Variants in PRKACA observed in about 807,000 individuals in gnomAD.
The protein encoded by PRKACA is protein kinase cAMP-activated catalytic subunit alpha.
PRKACA carries 9 observed loss-of-function variants against 45.8 expected under a neutral mutation model. The ratio of observed to expected loss-of-function variants is 0.20; its 90% CI spans 0.12 to 0.34. PRKACA has a LOEUF of 0.34. Among genes scored for constraint, PRKACA ranks in the 10% least tolerant of loss-of-function variants. The pLI, the probability that PRKACA is intolerant of heterozygous loss-of-function variation, is 1.00. For missense variants in PRKACA, 238 were observed against 458.6 expected, an observed-to-expected ratio of 0.52 and a Z score of 4.39; for synonymous variants, 160 against 178.6, an observed-to-expected ratio of 0.90 and a Z score of 0.83.
intron 3 of PRKACA, among the ~76,000 whole-genome samples, chr19:14,105,476 A>T (rs1977574805): frequency 6.6e-6 from 1 of 151,948 alleles, no homozygotes; most frequent in African/African-American, 2.4e-5. Flanking sequence ...ACGCCACTGC[A>T]GTCCAGCCTG....
intron 4 of PRKACA, among the ~76,000 whole-genome samples, chr19:14,102,606 C>T (rs762416913): frequency 1.1e-4 from 16 of 152,152 alleles, no homozygotes; most frequent in Non-Finnish European, 1.9e-4. Context: ...CCAAGGGTAT[C>T]GAACTACAAA....
chr19:14,107,342 C>A lies in PRKACA; in HGVS notation c.108+6G>T, dbSNP rs28730845. On this transcript the variant is annotated splice_donor_region_variant and intron_variant, in intron 2 of 9. Coordinates refer to ENST00000308677, the MANE Select transcript of PRKACA (RefSeq NM_002730.4). ...CCTCCCTGGGCTCTGCACCCGGCAG[C>A]CTTACCTGAGCGGGACTTTCCCATT... 6.2e-7 allele frequency: 1 copy of A among 1,613,558 alleles called. No individual in the cohort carries two copies. Among genetic ancestry groups the A allele is most frequent in the African/African-American group, 1.3e-5 (1 of 74,936 alleles).
At chr19:14,104,849 G>A (rs1294128101) in intron 3 of PRKACA, among the ~76,000 whole-genome samples, 1 of 151,956 alleles carries the variant, frequency 6.6e-6, no homozygotes, top group Non-Finnish European at 1.5e-5. Flanking sequence ...CTCCAGCCTG[G>A]GCAACAAGAG....
At chr19:14,093,543 C>G in intron 9 of PRKACA, 85 bp downstream of exon 9, 1 of 1,493,884 alleles carries the variant, frequency 6.7e-7, no homozygotes, top group Non-Finnish European at 9.1e-7. Context: ...AACCTGTGTT[C>G]TCTTCTCTAT....
chr19:14,093,041 A>ATGGGGGCC lies in PRKACA; in HGVS notation c.*70_*71insGGCCCCCA. ...CTGGGGCCCTCTGGCTGTTCAATCC[A>ATGGGGGCC]ACCCTCCCACCCCCCCGACCAAAAA... On this transcript the variant is annotated 3_prime_UTR_variant, in exon 10 of 10. Coordinates refer to ENST00000308677, the MANE Select transcript of PRKACA (RefSeq NM_002730.4). 1 of 500,030 alleles carries ATGGGGGCC rather than the reference A, an allele frequency of 2.0e-6. No homozygotes were observed. The highest frequency in any genetic ancestry group is 3.6e-6 in the Non-Finnish European group (1 of 278,314). 31.0% of individuals were successfully genotyped at this position (500,030 alleles called of 1,614,324 possible).
At chr19:14,093,387 A>G in intron 9 of PRKACA, 150 bp from the exon 10 acceptor site, 1 of 1,186,096 alleles carries the variant, frequency 8.4e-7, no homozygotes, top group Non-Finnish European at 1.2e-6. Flanking sequence ...TAACAGCCCG[A>G]AACTCTTAAT....
chr19:14,116,482 G>A (rs1725753085), intron 1 of PRKACA, among the ~76,000 whole-genome samples: 1 of 152,168 alleles, frequency 6.6e-6, no homozygotes, highest in African/African-American at 2.4e-5. Flanking sequence ...GACCATCTCA[G>A]TTAGAACCGA....
At chr19:14,116,040 C>G (rs1967098946) in intron 1 of PRKACA, among the ~76,000 whole-genome samples, 1 of 152,170 alleles carries the variant, frequency 6.6e-6, no homozygotes, top group South Asian at 2.1e-4. Context: ...CTGAGTTCTG[C>G]TATTTGAATC....
intron 4 of PRKACA, 23 bp downstream of exon 4, chr19:14,102,793 G>C (rs767507927): frequency 2.5e-6 from 4 of 1,597,866 alleles, no homozygotes; most frequent in Non-Finnish European, 2.6e-6. Context: ...GTGACCCCCC[G>C]CCCTTGGCCA....
At chr19:14,094,569 C>T (rs765212794) in intron 8 of PRKACA, among the ~76,000 whole-genome samples, 2 of 152,220 alleles carry the variant, frequency 1.3e-5, no homozygotes, top group Non-Finnish European at 2.9e-5. Flanking sequence ...TGCTCTAAGG[C>T]AAGTGCTATG....
At chr19:14,108,653 A>AC (rs1977684741) in intron 1 of PRKACA, among the ~76,000 whole-genome samples, 1 of 150,088 alleles carries the variant, frequency 6.7e-6, no homozygotes, top group South Asian at 2.1e-4. Context: ...CTCGTGATCC[A>AC]CCCGCCTCGG....
chr19:14,093,095 G>C lies in PRKACA; in HGVS notation c.*17C>G. On this transcript the variant is annotated 3_prime_UTR_variant, in exon 10 of 10. Coordinates refer to ENST00000308677, the MANE Select transcript of PRKACA (RefSeq NM_002730.4). The stretch of plus-strand genomic sequence containing the variant: ...GAAAAAAGAAAAAAGAAAACCCATG[G>C]GGGCACAGGCATGCCCCTAAAACTC... 1 of 1,488,284 alleles carries C rather than the reference G, an allele frequency of 6.7e-7. No individual in the cohort carries two copies. Among genetic ancestry groups the C allele is most frequent in the Non-Finnish European group, 9.0e-7 (1 of 1,112,194 alleles). 92.2% of individuals were successfully genotyped at this position (1,488,284 alleles called of 1,614,324 possible).
chr19:14,114,258 G>A, intron 1 of PRKACA: 1 of 1,493,352 alleles, frequency 6.7e-7, no homozygotes, highest in Non-Finnish European at 9.2e-7. Flanking sequence ...CTGCCTGCAG[G>A]GGGAGCTAGG....
chr19:14,108,498 C>T (rs1457920532), intron 1 of PRKACA: 3 of 152,258 alleles, frequency 2.0e-5, no homozygotes, highest in African/African-American at 7.2e-5. Flanking sequence ...AGCTCCGCCT[C>T]CCGTGCTCAC....
chr19:14,110,589 T>TA (rs1453409000), intron 1 of PRKACA, among the ~76,000 whole-genome samples: 2 of 151,366 alleles, frequency 1.3e-5, no homozygotes, highest in Admixed American at 6.6e-5. Context: ...AAAGTAATAA[T>TA]AAAAAAACCC....
intron 4 of PRKACA, 145 bp from the exon 5 acceptor site, chr19:14,101,053 G>A (rs964013419): frequency 5.6e-5 from 39 of 692,718 alleles, no homozygotes; most frequent in Admixed American, 8.7e-5. Flanking sequence ...CTACAGGGGC[G>A]ACCCTTATCC....
intron 5 of PRKACA, among the ~76,000 whole-genome samples, chr19:14,098,716 G>A (rs187820082): frequency 0.014 from 2,089 of 147,844 alleles, 42 homozygotes; most frequent in African/African-American, 0.042. Flanking sequence ...GGCTGGTCTC[G>A]AACTCCTGAC....
At chr19:14,114,137 C>G in intron 1 of PRKACA, 5 of 1,611,322 alleles carry the variant, frequency 3.1e-6, no homozygotes, top group Non-Finnish European at 4.2e-6. Flanking sequence ...GCCTCACCAT[C>G]GCTGGAGTTG....
At chr19:14,108,199 A>G (rs1384116206) in intron 1 of PRKACA, 4 of 974,480 alleles carry the variant, frequency 4.1e-6, no homozygotes, top group Non-Finnish European at 4.9e-6. Flanking sequence ...TCCAGTTCAG[A>G]GCCCAGCCTG....
Sources: allele counts gnomAD v4.1 joint callset (sites outside exome capture counted in the v4.1 genomes callset), GRCh38; gene constraint gnomAD v4.1.1; transcripts MANE v1.5; gene names NCBI Gene and HGNC (gene_info 2026-07-23, HGNC 2026-07-21).